The following TMEM185A variants were observed in gnomAD, a reference collection of about 807,000 sequenced individuals.
TMEM185A encodes family with sequence similarity 11, member A.
TMEM185A carries 9 observed loss-of-function variants against 25.0 expected under a neutral mutation model. That is an observed-to-expected ratio of 0.36 (90% CI 0.22 to 0.63). The LOEUF (loss-of-function observed/expected upper bound fraction) is 0.63. Ranked by LOEUF, TMEM185A falls within the 20% of genes least tolerant of loss-of-function variation. TMEM185A has a pLI of 0.68. For synonymous variants in TMEM185A, 45 were observed against 93.5 expected, an observed-to-expected ratio of 0.48 and a Z score of 2.99; for missense variants, 103 against 237.4, an observed-to-expected ratio of 0.43 and a Z score of 3.72.
intron 1 of TMEM185A, among the ~76,000 whole-genome samples, chrX:149,612,298 C>A (rs12840298): frequency 0.07 from 7,869 of 111,723 alleles, 217 homozygotes; most frequent in Middle Eastern, 0.1. Context: ...CCCCAGTTTG[C>A]AGATCAGAGG....
chrX:149,601,570 T>C lies in TMEM185A; in HGVS notation c.508-1091A>G, dbSNP rs2090017842. The C allele has an allele frequency of 2.0e-5, 2 of 98,160 alleles. 1 individual carries two copies. Among genetic ancestry groups the C allele is most frequent in the Non-Finnish European group, 3.9e-5 (2 of 51,150 alleles). The allele number at this position is 98,160 out of a possible 1,213,427, so 8.1% of individuals were successfully genotyped here. The stretch of plus-strand genomic sequence containing the variant: ...CATCCACATAATGTCTCTAATGAGA[T>C]TCATCCAAGTTGTTCCCTCCCTGTA... On this transcript the variant is annotated intron_variant, in intron 4 of 6. Coordinates refer to ENST00000600449, the MANE Select transcript of TMEM185A (RefSeq NM_032508.4).
At chrX:149,605,486 GCCTCCCATGT>G (rs1557353242) in intron 3 of TMEM185A, among the ~76,000 whole-genome samples, 1 of 97,384 alleles carries the variant, frequency 1.0e-5, no homozygotes, top group Admixed American at 1.2e-4. Context: ...ACTTTCTATG[GCCTCCCATGT>G]CACTTTCTAT....
At chrX:149,631,298 CGGCCGGGCCCTTCCGGCCGT>C (rs1163759867) in intron 1 of TMEM185A, among the ~76,000 whole-genome samples, 7 of 110,566 alleles carry the variant, frequency 6.3e-5, no homozygotes, top group African/African-American at 2.0e-4. Context: ...ACGGGGCTCG[CGGCCGGGCCCTTCCGGCCGT>C]GGCCGGGCAG....
At chrX:149,604,124 G>A (rs1480147297) in intron 3 of TMEM185A, 54 bp from the exon 4 acceptor site, 1 of 859,847 alleles carries the variant, frequency 1.2e-6, no homozygotes, top group African/African-American at 2.0e-5. Flanking sequence ...ATTTAATACT[G>A]CAGTAATTTG....
At chrX:149,604,266 C>CCTGCTGCCTTGCCCCT (rs200081888) in intron 3 of TMEM185A, among the ~76,000 whole-genome samples, 196 bp from the exon 4 acceptor site, 11,068 of 111,359 alleles carry the variant, frequency 0.099, 602 homozygotes, top group African/African-American at 0.18. Context: ...TGGGGCTCAG[C>CCTGCTGCCTTGCCCCT]CTGCTGCCTT....
intron 1 of TMEM185A, among the ~76,000 whole-genome samples, chrX:149,627,723 C>G (rs2124241492): frequency 8.9e-6 from 1 of 112,436 alleles, no homozygotes; most frequent in Admixed American, 9.4e-5. Context: ...CTATTGAATT[C>G]TTATTTCCCT....
intron 4 of TMEM185A, among the ~76,000 whole-genome samples, chrX:149,602,515 C>G (rs2090023209): frequency 8.9e-6 from 1 of 112,455 alleles, no homozygotes; most frequent in African/African-American, 3.2e-5. Flanking sequence ...CTCCTTTTTA[C>G]TGAAGTTCCC....
At chrX:149,608,575 C>T in intron 3 of TMEM185A, 52 bp downstream of exon 3, 1 of 1,161,583 alleles carries the variant, frequency 8.6e-7, no homozygotes, top group Admixed American at 2.2e-5. Context: ...AAGTGATCCA[C>T]CTGCCTTGAC....
At chrX:149,607,812 T>C (rs1279379423) in intron 3 of TMEM185A, among the ~76,000 whole-genome samples, 1 of 111,837 alleles carries the variant, frequency 8.9e-6, no homozygotes, top group Admixed American at 9.5e-5. Context: ...TGGGCTATAG[T>C]ACCCAGTTAT....
chrX:149,624,462 G>T (rs1046527325), intron 1 of TMEM185A, among the ~76,000 whole-genome samples: 21 of 112,055 alleles, frequency 1.9e-4, no homozygotes, highest in African/African-American at 6.8e-4. Context: ...AATGCAGCTG[G>T]ACTCTTTTTA....
chrX:149,610,390 T>C (rs1277585107), intron 2 of TMEM185A, among the ~76,000 whole-genome samples: 1 of 82,325 alleles, frequency 1.2e-5, no homozygotes, highest in African/African-American at 5.0e-5. Context: ...ATCACACCAT[T>C]GCACTCCAGC....
chrX:149,631,766 C>A lies in TMEM185A; in HGVS notation c.-186G>T. ...CCGCCGCCGCCGCCGCCGCCGCCGC[C>A]GCCGCCGCCGCCGCCCGGAGAAACC... is the stretch of plus-strand genomic sequence containing the variant. On this transcript the variant is annotated 5_prime_UTR_variant, in exon 1 of 7. Coordinates refer to ENST00000600449, the MANE Select transcript of TMEM185A (RefSeq NM_032508.4). 1.1e-5 allele frequency: 1 copy of A among 92,579 alleles called. No homozygotes were observed. 7.6% of individuals were successfully genotyped at this position (92,579 alleles called of 1,213,427 possible). A position where few individuals can be genotyped will look rare whatever the true frequency, so the allele number is the denominator to read the frequency against.
chrX:149,628,431 G>A (rs1041840947), intron 1 of TMEM185A, among the ~76,000 whole-genome samples: 17 of 111,857 alleles, frequency 1.5e-4, no homozygotes, highest in South Asian at 3.7e-4. Flanking sequence ...CATCTGTTTC[G>A]GCATGTCTTA....
chrX:149,604,235 C>G (rs1004780941), intron 3 of TMEM185A, among the ~76,000 whole-genome samples, 165 bp from the exon 4 acceptor site: 6 of 111,791 alleles, frequency 5.4e-5, no homozygotes, highest in African/African-American at 1.6e-4. Context: ...AGGGGCACAG[C>G]AGTATTATGG....
chrX:149,629,931 G>A (rs1482498750), intron 1 of TMEM185A, among the ~76,000 whole-genome samples: 6 of 112,088 alleles, frequency 5.4e-5, no homozygotes, highest in Non-Finnish European at 9.4e-5. Flanking sequence ...ACCCCACTGA[G>A]AGATTATACT....
intron 4 of TMEM185A, among the ~76,000 whole-genome samples, chrX:149,602,590 T>A (rs1329128754): frequency 2.7e-5 from 3 of 112,483 alleles, no homozygotes; most frequent in African/African-American, 9.7e-5. Flanking sequence ...ATGGGAAACA[T>A]GTACTCAGAC....
chrX:149,610,458 A>AG (rs2090077057), intron 2 of TMEM185A, among the ~76,000 whole-genome samples: 1 of 99,811 alleles, frequency 1.0e-5, no homozygotes, highest in Non-Finnish European at 2.0e-5. Flanking sequence ...AAAAAAAAAA[A>AG]GGTGCGGTAG....
intron 2 of TMEM185A, among the ~76,000 whole-genome samples, chrX:149,610,571 C>T (rs1557354370): frequency 9.1e-6 from 1 of 110,390 alleles, no homozygotes; most frequent in Non-Finnish European, 1.9e-5. Context: ...GTCTTAAGTC[C>T]CCCTTTTTCC....
intron 4 of TMEM185A, among the ~76,000 whole-genome samples, chrX:149,603,261 C>T (rs1467516618): frequency 1.8e-5 from 2 of 111,312 alleles, no homozygotes; most frequent in Admixed American, 9.6e-5. Context: ...GACATAGATG[C>T]CACCACCAGC....
Sources: gnomAD v4.1 joint callset for allele counts (sites outside exome capture counted in the v4.1 genomes callset) on GRCh38, gnomAD v4.1.1 for gene constraint, MANE v1.5 for transcripts, NCBI Gene and HGNC (gene_info 2026-07-23, HGNC 2026-07-21) for gene names.